Variants in RBFOX1 observed in about 807,000 individuals in gnomAD.
RBFOX1 encodes the protein RNA binding fox-1 homolog 1.
Under a neutral mutation model 57.7 loss-of-function variants are expected in RBFOX1, and 8 were observed. The ratio of observed to expected loss-of-function variants is 0.14; its 90% confidence interval spans 0.08 to 0.25. The LOEUF (loss-of-function observed/expected upper bound fraction) is 0.25, where lower values mean the gene tolerates loss of function less well. RBFOX1 is among the 10% of genes least tolerant of loss of function. The pLI, the probability that RBFOX1 is intolerant of heterozygous loss-of-function variation, is 1.00. For synonymous variants in RBFOX1, 326 were observed against 222.4 expected (o/e 1.47, Z -4.15); for missense variants, 611 against 548.5 (o/e 1.11, Z -1.14).
chr16:5,401,417 G>C (rs1360473643), intron 1 of RBFOX1, among the ~76,000 whole-genome samples: 2 of 152,078 alleles, frequency 1.3e-5, no homozygotes, highest in Admixed American at 1.3e-4. Flanking sequence ...GCTGTGACTT[G>C]GTTTGCCCAT....
intron 4 of RBFOX1, among the ~76,000 whole-genome samples, chr16:5,963,859 C>T (rs2152291006): frequency 6.6e-6 from 1 of 152,126 alleles, no homozygotes. Context: ...GTTTTTTGGA[C>T]ATGACACAAA....
intron 3 of RBFOX1, among the ~76,000 whole-genome samples, chr16:6,901,478 C>A (rs1230056108): frequency 6.6e-6 from 1 of 152,162 alleles, no homozygotes; most frequent in South Asian, 2.1e-4. Context: ...TACGACTCTT[C>A]CTTAGCCCAT....
intron 2 of RBFOX1, among the ~76,000 whole-genome samples, chr16:6,473,427 C>T (rs1374894162): frequency 6.6e-6 from 1 of 152,182 alleles, no homozygotes; most frequent in African/African-American, 2.4e-5. Flanking sequence ...CTGACTCACC[C>T]CCATTTCATC....
intron 2 of RBFOX1, among the ~76,000 whole-genome samples, chr16:6,459,422 C>T (rs1385644869): frequency 2.0e-5 from 3 of 152,090 alleles, no homozygotes; most frequent in Non-Finnish European, 4.4e-5. Flanking sequence ...TGCATCCCCT[C>T]AGTATGAATT....
chr16:7,482,651 A>G (rs574621009), intron 4 of RBFOX1, among the ~76,000 whole-genome samples: 1 of 147,822 alleles, frequency 6.8e-6, no homozygotes, highest in South Asian at 2.1e-4. Context: ...GAGGAAGAAG[A>G]TGCTGTGACA....
chr16:6,235,010 C>G (rs1237770729), intron 1 of RBFOX1, among the ~76,000 whole-genome samples: 2 of 152,012 alleles, frequency 1.3e-5, no homozygotes, highest in South Asian at 4.1e-4. Flanking sequence ...GTAATTATTT[C>G]AAAATAAAGG....
intron 3 of RBFOX1, among the ~76,000 whole-genome samples, chr16:6,865,007 T>TC (rs1567620554): frequency 4.2e-5 from 6 of 142,046 alleles, no homozygotes; most frequent in Non-Finnish European, 7.6e-5. Context: ...TTTTTTTTTT[T>TC]TTTTTTTTTT....
Position 5,805,977 on chromosome 16 carries a change from C to G in RBFOX1, c.319-61326C>G, listed in dbSNP as rs532363034. Reference sequence around the variant, plus strand: ...GCATAGATCCTAGCACAGTGTTGATCTCTCAGTGAGTCAATAAATGGTAAT... The same window carrying G: ...GCATAGATCCTAGCACAGTGTTGATGTCTCAGTGAGTCAATAAATGGTAAT... On this transcript the variant is annotated intron_variant, in intron 3 of 19. Coordinates refer to the RBFOX1 transcript ENST00000641259. Among the ~76,000 whole-genome samples, 3 of 152,174 alleles carry G rather than the reference C, an allele frequency of 2.0e-5. 1 individual carries two copies. In the South Asian group the frequency reaches 6.2e-4, roughly 32 times the overall value.
At chr16:7,048,106 T>C (rs1344466916) in intron 3 of RBFOX1, among the ~76,000 whole-genome samples, 1 of 152,168 alleles carries the variant, frequency 6.6e-6, no homozygotes, top group Admixed American at 6.6e-5. Context: ...CTCAAATTCC[T>C]GACCTCAGGT....
chr16:6,716,891 C>G (rs910738145), intron 3 of RBFOX1, among the ~76,000 whole-genome samples: 2 of 152,114 alleles, frequency 1.3e-5, no homozygotes, highest in Non-Finnish European at 2.9e-5. Flanking sequence ...ACATGGAAAT[C>G]CTAACTCCCA....
At chr16:6,949,241 C>T (rs1255428205) in intron 3 of RBFOX1, among the ~76,000 whole-genome samples, 3 of 152,078 alleles carry the variant, frequency 2.0e-5, no homozygotes, top group South Asian at 2.1e-4. Flanking sequence ...TAAAAAGCAC[C>T]TTCATCAACA....
intron 1 of RBFOX1, among the ~76,000 whole-genome samples, chr16:6,211,368 A>G (rs1343881294): frequency 1.3e-5 from 2 of 151,512 alleles, no homozygotes; most frequent in Non-Finnish European, 2.9e-5. Context: ...AGCTGAGACT[A>G]CAGGTGCCCA....
At chr16:5,511,799 C>A (rs1268416763) in intron 2 of RBFOX1, among the ~76,000 whole-genome samples, 1 of 152,146 alleles carries the variant, frequency 6.6e-6, no homozygotes, top group Non-Finnish European at 1.5e-5. Context: ...GTAACTATGT[C>A]CCCAAAGTTC....
chr16:6,036,607 C>G (rs1596561635), intron 1 of RBFOX1, among the ~76,000 whole-genome samples: 1 of 63,420 alleles, frequency 1.6e-5, no homozygotes, highest in East Asian at 9.6e-4. Context: ...CAGTGTCTGT[C>G]TCTTTTTATT....
At chr16:6,740,993 C>T (rs150941561) in intron 3 of RBFOX1, among the ~76,000 whole-genome samples, 113 of 152,184 alleles carry the variant, frequency 7.4e-4, no homozygotes, top group East Asian at 1.5e-3. Context: ...CAGTCATCAT[C>T]GCTATGTGGT....
intron 4 of RBFOX1, among the ~76,000 whole-genome samples, chr16:7,394,204 C>G (rs1019247030): frequency 3.2e-5 from 4 of 123,326 alleles, no homozygotes; most frequent in East Asian, 2.5e-4. Flanking sequence ...CTACTGCACT[C>G]TAGCCTGGGC....
chr16:5,406,410 G>T (rs1450313240), intron 1 of RBFOX1, among the ~76,000 whole-genome samples: 1 of 152,156 alleles, frequency 6.6e-6, no homozygotes, highest in Admixed American at 6.5e-5. Context: ...TGCCTTCAGT[G>T]TTCTGGTTCT....
At chr16:7,321,647 A>C (rs115486576) in intron 4 of RBFOX1, among the ~76,000 whole-genome samples, 1 of 152,206 alleles carries the variant, frequency 6.6e-6, no homozygotes, top group Admixed American at 6.5e-5. Context: ...TGTGAAGATT[A>C]AGTGAGTTAA....
intron 1 of RBFOX1, among the ~76,000 whole-genome samples, chr16:6,166,913 A>G (rs1326312097): frequency 6.6e-6 from 1 of 151,940 alleles, no homozygotes; most frequent in African/African-American, 2.4e-5. Context: ...AGCTGGGACT[A>G]CAGGCCTGTA....
Sources: allele counts gnomAD v4.1 joint callset (sites outside exome capture counted in the v4.1 genomes callset), GRCh38; gene constraint gnomAD v4.1.1; transcripts MANE v1.5; gene names NCBI Gene and HGNC (gene_info 2026-07-23, HGNC 2026-07-21).